Variants in MAML2 observed in about 807,000 individuals in gnomAD.
MAML2 encodes the protein mastermind like transcriptional coactivator 2.
MAML2 carries 22 observed loss-of-function variants against 96.1 expected under a neutral mutation model. That is an observed-to-expected ratio of 0.23 (90% CI 0.16 to 0.33). The LOEUF is 0.33. Among genes scored for constraint, MAML2 ranks in the 10% least tolerant of loss-of-function variants. The probability of loss-of-function intolerance (pLI) is 1.00; values close to 1 mark genes in which losing one functional copy is unlikely to be tolerated. For missense variants in MAML2, 1,367 were observed against 1,392.4 expected (o/e 0.98, Z 0.29); for synonymous variants, 561 against 521.3 (o/e 1.08, Z -1.04).
intron 2 of MAML2, among the ~76,000 whole-genome samples, chr11:96,081,529 T>C (rs900327985): frequency 4.6e-5 from 7 of 152,176 alleles, no homozygotes; most frequent in Non-Finnish European, 1.0e-4. Context: ...AAAAAACTTC[T>C]GTATTCCCAC....
chr11:96,335,495 T>C (rs73531181), intron 1 of MAML2, among the ~76,000 whole-genome samples: 1 of 152,134 alleles, frequency 6.6e-6, no homozygotes, highest in Non-Finnish European at 1.5e-5. Context: ...TAAAACTATG[T>C]CCTTTTAGTG....
At chr11:95,989,655 G>A (rs1363237957) in intron 3 of MAML2, among the ~76,000 whole-genome samples, 2 of 129,518 alleles carry the variant, frequency 1.5e-5, no homozygotes, top group African/African-American at 7.4e-5. Context: ...AAAATGGGAG[G>A]GGAAGGGAAC....
rs1010585868 is a variant in MAML2 at position 96,178,136 on chromosome 11, C to G, written c.514-84619G>C. Among the ~76,000 whole-genome samples, 9 of 150,982 alleles carry G rather than the reference C, an allele frequency of 6.0e-5. No homozygotes were observed. The East Asian group carries it at 1.7e-3, about 29-fold the overall frequency. On this transcript the variant is annotated intron_variant, in intron 1 of 4. Coordinates refer to ENST00000524717, the MANE Select transcript of MAML2 (RefSeq NM_032427.4). ...CACAGCCAGGCTGAGACATCAACAC[C>G]TACAAAAACTGTGGGAAAACACATT... is the stretch of plus-strand genomic sequence containing the variant.
At chr11:96,053,136 T>C (rs890589899) in intron 2 of MAML2, among the ~76,000 whole-genome samples, 3 of 152,208 alleles carry the variant, frequency 2.0e-5, no homozygotes, top group Non-Finnish European at 4.4e-5. Flanking sequence ...TCAAAGTCAT[T>C]AATTGTTCAT....
At chr11:96,224,363 T>C (rs915712164) in intron 1 of MAML2, among the ~76,000 whole-genome samples, 1 of 152,124 alleles carries the variant, frequency 6.6e-6, no homozygotes, top group Admixed American at 6.6e-5. Context: ...GGGGCTCCAA[T>C]ATATCCTTCC....
At chr11:96,193,654 T>G (rs764448507) in intron 1 of MAML2, among the ~76,000 whole-genome samples, 5 of 152,196 alleles carry the variant, frequency 3.3e-5, no homozygotes, top group Non-Finnish European at 7.3e-5. Flanking sequence ...CAATTTCAAA[T>G]GAAGTGCTCT....
intron 1 of MAML2, among the ~76,000 whole-genome samples, chr11:96,237,189 C>A (rs1401438307): frequency 6.6e-6 from 1 of 152,136 alleles, no homozygotes; most frequent in Non-Finnish European, 1.5e-5. Context: ...TAGTAATTTA[C>A]CTTCTCTTCT....
intron 2 of MAML2, among the ~76,000 whole-genome samples, chr11:96,034,456 AGTGT>A (rs1554998954): frequency 7.6e-5 from 11 of 144,732 alleles, no homozygotes. Context: ...AGAGAGAGAG[AGTGT>A]GTGTGTGTGT....
intron 1 of MAML2, among the ~76,000 whole-genome samples, chr11:96,168,451 G>A (rs913426137): frequency 6.6e-6 from 1 of 152,156 alleles, no homozygotes; most frequent in African/African-American, 2.4e-5. Flanking sequence ...AGTCCAGGCA[G>A]CCCAGGGCAG....
At chr11:96,254,832 A>AT (rs1481989689) in intron 1 of MAML2, among the ~76,000 whole-genome samples, 1 of 151,990 alleles carries the variant, frequency 6.6e-6, no homozygotes, top group Non-Finnish European at 1.5e-5. Flanking sequence ...TTTTTTATTT[A>AT]TTTTTTGAGA....
intron 1 of MAML2, among the ~76,000 whole-genome samples, chr11:96,137,233 C>T (rs1445042931): frequency 6.6e-6 from 1 of 152,142 alleles, no homozygotes; most frequent in Non-Finnish European, 1.5e-5. Context: ...ATCAGGTTAA[C>T]CATATTGACT....
chr11:96,158,391 A>G (rs1565232312), intron 1 of MAML2, among the ~76,000 whole-genome samples: 2 of 152,196 alleles, frequency 1.3e-5, no homozygotes, highest in Non-Finnish European at 2.9e-5. Flanking sequence ...CAGGTTGACC[A>G]TCTGCCCCAG....
chr11:96,001,127 T>C (rs1858071962), intron 2 of MAML2, among the ~76,000 whole-genome samples: 1 of 152,214 alleles, frequency 6.6e-6, no homozygotes, highest in South Asian at 2.1e-4. Flanking sequence ...ATGAATTTCA[T>C]AGTCACTACA....
intron 1 of MAML2, among the ~76,000 whole-genome samples, chr11:96,182,891 C>T (rs1220355386): frequency 6.6e-6 from 1 of 151,956 alleles, no homozygotes; most frequent in African/African-American, 2.4e-5. Context: ...CGCTATCATA[C>T]CCGTTAATTA....
intron 1 of MAML2, among the ~76,000 whole-genome samples, chr11:96,185,149 G>C (rs926841394): frequency 4.0e-5 from 6 of 149,660 alleles, no homozygotes; most frequent in Admixed American, 1.3e-4. Context: ...AGGCTGAGCT[G>C]CTCTCAGTGG....
intron 1 of MAML2, among the ~76,000 whole-genome samples, chr11:96,289,213 C>G (rs1863178917): frequency 6.6e-6 from 1 of 152,188 alleles, no homozygotes; most frequent in Non-Finnish European, 1.5e-5. Context: ...GTTTAGACCA[C>G]AGATTTTTAG....
chr11:96,079,611 G>A (rs1033607507), intron 2 of MAML2, among the ~76,000 whole-genome samples: 1 of 152,174 alleles, frequency 6.6e-6, no homozygotes, highest in South Asian at 2.1e-4. Context: ...GCATATAGTA[G>A]GTGCTCAACA....
chr11:96,254,302 G>A (rs1318039349), intron 1 of MAML2, among the ~76,000 whole-genome samples: 3 of 151,312 alleles, frequency 2.0e-5, no homozygotes, highest in Non-Finnish European at 4.4e-5. Flanking sequence ...CCGGACGTGA[G>A]AAAAACACAC....
Position 96,029,432 on chromosome 11 carries a change from G to A in MAML2, c.2140-37709C>T, listed in dbSNP as rs138742843. 8.1e-3 allele frequency among the ~76,000 whole-genome samples: 1,237 copies of A among 152,132 alleles called. 15 individuals are homozygous for A. The highest frequency in any genetic ancestry group is 0.038 in the East Asian group (196 of 5,176). ...ATATCCAGGTTTCTAGTTGTTTGCC[G>A]TCTCAAAGAGATTCTTTACCAATGT... On this transcript the variant is annotated intron_variant, in intron 2 of 4. Transcript: ENST00000524717.
Sources: gnomAD v4.1 joint callset for allele counts (sites outside exome capture counted in the v4.1 genomes callset) on GRCh38, gnomAD v4.1.1 for gene constraint, MANE v1.5 for transcripts, NCBI Gene and HGNC (gene_info 2026-07-23, HGNC 2026-07-21) for gene names.